Variants in MAGI2 observed in about 807,000 individuals in gnomAD.
The protein encoded by MAGI2 is membrane-associated guanylate kinase, WW and PDZ domain-containing protein 2.
MAGI2 carries 35 observed loss-of-function variants against 133.3 expected under a neutral mutation model. The observed-to-expected ratio is 0.26, with a 90% CI of 0.20 to 0.35. The LOEUF is 0.35. MAGI2 is among the 10% of genes least tolerant of loss of function. MAGI2 has a pLI of 1.00. For synonymous variants in MAGI2, 729 were observed against 710.6 expected, an observed-to-expected ratio of 1.03 and a Z score of -0.41; for missense variants, 1,636 against 1,863.4, an observed-to-expected ratio of 0.88 and a Z score of 2.25.
intron 2 of MAGI2, chr7:78,901,323 A>G (rs1797604974): frequency 6.6e-6 from 1 of 152,220 alleles, no homozygotes; most frequent in Non-Finnish European, 1.5e-5. Context: ...TAAAGCAGAC[A>G]ATATTACAGA....
intron 12 of MAGI2, among the ~76,000 whole-genome samples, chr7:78,187,727 T>A (rs1440652094): frequency 3.3e-5 from 5 of 152,170 alleles, no homozygotes; most frequent in Non-Finnish European, 7.4e-5. Flanking sequence ...GATTATGACT[T>A]GAGAAATGTC....
intron 9 of MAGI2, among the ~76,000 whole-genome samples, chr7:78,270,840 C>T (rs1794493319): frequency 6.6e-6 from 1 of 152,162 alleles, no homozygotes; most frequent in Non-Finnish European, 1.5e-5. Context: ...AATGTCCATT[C>T]TTCTCAGCAA....
At chr7:78,488,789 A>G (rs907217953) in intron 6 of MAGI2, among the ~76,000 whole-genome samples, 9 of 152,082 alleles carry the variant, frequency 5.9e-5, no homozygotes, top group African/African-American at 1.9e-4. Flanking sequence ...GTTACCTTAT[A>G]ACATAGGAAT....
chr7:79,335,869 C>T lies in MAGI2; in HGVS notation c.301+117151G>A, dbSNP rs146928334. ...ACATTTTTTAACACTTTTACTTTCT[C>T]TTCTGCAACACTATATTTAAATATA... On this transcript the variant is annotated intron_variant, in intron 1 of 21. Transcript: ENST00000354212. Among the ~76,000 whole-genome samples, 37 of 152,110 alleles carry T rather than the reference C, an allele frequency of 2.4e-4. No homozygotes were observed. In the East Asian group the frequency reaches 7.1e-3, roughly 29 times the overall value.
chr7:78,373,871 T>G (rs1009115674), intron 6 of MAGI2, among the ~76,000 whole-genome samples: 2 of 152,164 alleles, frequency 1.3e-5, no homozygotes, highest in Non-Finnish European at 2.9e-5. Flanking sequence ...CTTCCTGCAT[T>G]AATTTGCTTA....
At chr7:78,219,103 A>G (rs1356933262) in intron 10 of MAGI2, among the ~76,000 whole-genome samples, 1 of 152,130 alleles carries the variant, frequency 6.6e-6, no homozygotes, top group African/African-American at 2.4e-5. Context: ...ATCGTGGAGA[A>G]CGTGCCTCGT....
chr7:78,368,737 A>G (rs1314069771), intron 7 of MAGI2, among the ~76,000 whole-genome samples: 3 of 152,158 alleles, frequency 2.0e-5, no homozygotes, highest in Non-Finnish European at 2.9e-5. Flanking sequence ...CAAAAAAGAA[A>G]AAAAATCTAA....
chr7:78,385,790 C>T (rs949527049), intron 6 of MAGI2, among the ~76,000 whole-genome samples: 4 of 152,130 alleles, frequency 2.6e-5, no homozygotes, highest in African/African-American at 4.8e-5. Flanking sequence ...AAATGTTACA[C>T]ATATACCTTC....
At chr7:78,978,301 T>G (rs1206615253) in intron 2 of MAGI2, among the ~76,000 whole-genome samples, 3 of 151,712 alleles carry the variant, frequency 2.0e-5, no homozygotes, top group African/African-American at 7.3e-5. Context: ...ATAAACAAAC[T>G]ATGGTGCACA....
At chr7:78,263,421 T>C (rs1793705311) in intron 9 of MAGI2, among the ~76,000 whole-genome samples, 1 of 152,198 alleles carries the variant, frequency 6.6e-6, no homozygotes, top group African/African-American at 2.4e-5. Context: ...TTACCATCTA[T>C]TGTATGAACT....
At chr7:78,917,074 A>G (rs1367791428) in intron 2 of MAGI2, among the ~76,000 whole-genome samples, 1 of 152,138 alleles carries the variant, frequency 6.6e-6, no homozygotes, top group African/African-American at 2.4e-5. Context: ...ACTTAGTCTA[A>G]AAAAATTAGT....
intron 10 of MAGI2, among the ~76,000 whole-genome samples, chr7:78,207,500 A>G (rs918953366): frequency 1.4e-4 from 22 of 152,206 alleles, no homozygotes; most frequent in South Asian, 4.1e-4. Context: ...CTTTCCATCA[A>G]AAATTTAGCC....
intron 1 of MAGI2, among the ~76,000 whole-genome samples, chr7:79,399,627 A>C (rs549160195): frequency 6.6e-6 from 1 of 152,164 alleles, no homozygotes; most frequent in South Asian, 2.1e-4. Context: ...AGGTTTTCCC[A>C]ATGTATCTTT....
intron 1 of MAGI2, among the ~76,000 whole-genome samples, chr7:79,165,164 TTTTG>T (rs1316911065): frequency 2.0e-5 from 3 of 151,724 alleles, no homozygotes; most frequent in Admixed American, 6.6e-5. Context: ...TAAGTGTTTT[TTTTG>T]TTTGTTTTTT....
At chr7:79,006,966 A>C in intron 2 of MAGI2, 124 bp downstream of exon 2, 2 of 646,820 alleles carry the variant, frequency 3.1e-6, no homozygotes, top group East Asian at 3.1e-5. Context: ...ATCTCAAATA[A>C]GTTTTCTGTT....
chr7:79,051,958 G>T (rs1812714661), intron 1 of MAGI2, among the ~76,000 whole-genome samples: 1 of 151,674 alleles, frequency 6.6e-6, no homozygotes, highest in Non-Finnish European at 1.5e-5. Context: ...TTTTTTTGTA[G>T]GCCTTTGGAA....
intron 1 of MAGI2, among the ~76,000 whole-genome samples, chr7:79,290,839 A>T (rs974904124): frequency 6.6e-6 from 1 of 152,076 alleles, no homozygotes; most frequent in African/African-American, 2.4e-5. Flanking sequence ...TCTGTTTTTT[A>T]AAATAATAGT....
intron 2 of MAGI2, among the ~76,000 whole-genome samples, chr7:78,899,808 T>G (rs1014754113): frequency 6.6e-6 from 1 of 152,152 alleles, no homozygotes; most frequent in Non-Finnish European, 1.5e-5. Flanking sequence ...CAGTAATCCA[T>G]CACACCATAA....
intron 16 of MAGI2, among the ~76,000 whole-genome samples, chr7:78,149,171 C>T (rs1823614485): frequency 6.6e-6 from 1 of 152,180 alleles, no homozygotes; most frequent in South Asian, 2.1e-4. Context: ...TCCACAGCCA[C>T]ATGTGGCTAA....
Sources: gnomAD v4.1 joint callset for allele counts (sites outside exome capture counted in the v4.1 genomes callset) on GRCh38, gnomAD v4.1.1 for gene constraint, MANE v1.5 for transcripts, NCBI Gene and HGNC (gene_info 2026-07-23, HGNC 2026-07-21) for gene names.